The following NLGN4X variants were observed in gnomAD, a reference collection of about 807,000 sequenced individuals.
NLGN4X encodes neuroligin 4 X-linked, also known as neuroligin-4, X-linked.
In NLGN4X, 3 loss-of-function variants were observed where a neutral mutation model predicts 40.3. The observed-to-expected ratio is 0.07, with a 90% CI of 0.03 to 0.19. The LOEUF is 0.19. Among genes scored for constraint, NLGN4X ranks in the 10% least tolerant of loss-of-function variants. The pLI is 1.00. For synonymous variants in NLGN4X, 270 were observed against 306.8 expected (o/e 0.88, Z 1.25); for missense variants, 382 against 708.3 (o/e 0.54, Z 5.23).
intron 3 of NLGN4X, among the ~76,000 whole-genome samples, chrX:5,957,334 C>T (rs952206994): frequency 2.7e-5 from 3 of 111,332 alleles, no homozygotes; most frequent in African/African-American, 9.8e-5. Flanking sequence ...CATCTGAGTT[C>T]CAGAAAAAAC....
chrX:6,165,683 A>T (rs990866821), intron 1 of NLGN4X, among the ~76,000 whole-genome samples: 1 of 111,344 alleles, frequency 9.0e-6, no homozygotes, highest in Non-Finnish European at 1.9e-5. Flanking sequence ...CTCTGGCAAA[A>T]TTCCTACTAC....
intron 3 of NLGN4X, among the ~76,000 whole-genome samples, chrX:5,969,018 T>G (rs2034928567): frequency 9.0e-6 from 1 of 111,412 alleles, no homozygotes; most frequent in South Asian, 3.8e-4. Flanking sequence ...ACACAAAAAT[T>G]AATTCAAAAT....
chrX:6,031,117 T>G (rs1294704329), intron 2 of NLGN4X, among the ~76,000 whole-genome samples: 1 of 112,164 alleles, frequency 8.9e-6, no homozygotes, highest in Non-Finnish European at 1.9e-5. Context: ...CAATATGAAA[T>G]GAAAATTAGA....
At position 6,037,664 on chromosome X, in the gene NLGN4X, G is replaced by A. The variant is rs192775998; in HGVS notation, c.473-8232C>T. Among the ~76,000 whole-genome samples the A allele has an allele frequency of 1.7e-4, 16 of 94,772 alleles. No individual in the cohort carries two copies. In the Admixed American group the frequency reaches 1.9e-3, roughly 11 times the overall value. 82.3% of individuals were successfully genotyped at this position (94,772 alleles called of 115,157 possible). ...ATTCGTTTTCTTTTAAGTGGGCAAGGTTAATTTTCAACTTAGTCTTGTTAA... is the reference window on the plus strand; with the variant it reads ...ATTCGTTTTCTTTTAAGTGGGCAAGATTAATTTTCAACTTAGTCTTGTTAA... On this transcript the variant is annotated intron_variant, in intron 2 of 5. Transcript: ENST00000381095.
Position 5,892,931 on chromosome X carries a change from G to A in NLGN4X, c.2337C>T (p.Ile779=). The change falls in exon 6 of 6, where the codon ATC becomes ATT. Residue 779 remains isoleucine (I), a synonymous_variant. Coordinates refer to ENST00000381095, the MANE Select transcript of NLGN4X (RefSeq NM_181332.3). ...DDIPLMTPNT[I]TMIPNTLTGM... ...CCGTCAGTGTGTTTGGAATCATGGT[G>A]ATGGTGTTTGGCGTCATAAGTGGGA... is the stretch of plus-strand genomic sequence containing the variant. 8.3e-7 allele frequency: 1 copy of A among 1,211,681 alleles called. No individual in the cohort carries two copies. The highest frequency in any genetic ancestry group is 1.1e-6 in the Non-Finnish European group (1 of 895,561).
chrX:6,103,538 T>G (rs971062416), intron 2 of NLGN4X, among the ~76,000 whole-genome samples: 1 of 112,112 alleles, frequency 8.9e-6, no homozygotes, highest in South Asian at 3.7e-4. Context: ...GAGCCAAATA[T>G]TACTACATAA....
chrX:6,044,699 T>C (rs2147270548), intron 2 of NLGN4X, among the ~76,000 whole-genome samples: 1 of 111,331 alleles, frequency 9.0e-6, no homozygotes, highest in African/African-American at 3.3e-5. Flanking sequence ...TCATGGATTG[T>C]AACAAACACA....
intron 1 of NLGN4X, among the ~76,000 whole-genome samples, chrX:6,185,511 T>C (rs1921926716): frequency 9.0e-6 from 1 of 111,728 alleles, no homozygotes. Context: ...AACAATTCCA[T>C]TCCCCATTAA....
intron 3 of NLGN4X, among the ~76,000 whole-genome samples, chrX:5,957,959 A>T (rs2034547994): frequency 8.9e-6 from 1 of 112,254 alleles, no homozygotes; most frequent in African/African-American, 3.2e-5. Context: ...TTTTCTAAAG[A>T]CTTCCTTTTA....
chrX:6,185,100 T>C (rs932800058), intron 1 of NLGN4X, among the ~76,000 whole-genome samples: 1 of 112,535 alleles, frequency 8.9e-6, no homozygotes, highest in Non-Finnish European at 1.9e-5. Context: ...CTACGTGGCC[T>C]GCACTGTGAT....
At chrX:6,044,256 TTAGG>T (rs2037255257) in intron 2 of NLGN4X, among the ~76,000 whole-genome samples, 1 of 111,610 alleles carries the variant, frequency 9.0e-6, no homozygotes, top group Admixed American at 9.5e-5. Flanking sequence ...GCACTCCAGT[TTAGG>T]TGAGTGAGAC....
At chrX:6,175,792 C>A (rs772480754) in intron 1 of NLGN4X, among the ~76,000 whole-genome samples, 20 of 110,105 alleles carry the variant, frequency 1.8e-4, no homozygotes, top group African/African-American at 6.6e-4. Context: ...CAACAGAATT[C>A]CTCACCTCCC....
intron 3 of NLGN4X, among the ~76,000 whole-genome samples, chrX:5,955,479 C>A (rs1255101091): frequency 9.1e-6 from 1 of 110,316 alleles, no homozygotes; most frequent in Non-Finnish European, 1.9e-5. Context: ...TCCACTCTCA[C>A]AGGGAAGAAA....
At chrX:6,043,859 G>A (rs6638593) in intron 2 of NLGN4X, among the ~76,000 whole-genome samples, 41,147 of 110,272 alleles carry the variant, frequency 0.37, 6,602 homozygotes, top group Middle Eastern at 0.63. Context: ...AGAAGCATAA[G>A]GTCACTCAAG....
chrX:5,997,454 A>G (rs932478223), intron 3 of NLGN4X, among the ~76,000 whole-genome samples: 4 of 106,586 alleles, frequency 3.8e-5, no homozygotes, highest in African/African-American at 1.3e-4. Flanking sequence ...AAAAAAAAAC[A>G]ATAGGTAGTA....
At chrX:6,120,216 C>G (rs1170776862) in intron 2 of NLGN4X, among the ~76,000 whole-genome samples, 1 of 111,443 alleles carries the variant, frequency 9.0e-6, no homozygotes, top group Non-Finnish European at 1.9e-5. Flanking sequence ...AGGCAAGAAT[C>G]AAGACCTATA....
chrX:6,117,427 C>A (rs182436058), intron 2 of NLGN4X, among the ~76,000 whole-genome samples: 4 of 110,687 alleles, frequency 3.6e-5, no homozygotes, highest in Admixed American at 9.6e-5. Flanking sequence ...CTCAATCCAT[C>A]TCCTAGTTAA....
intron 3 of NLGN4X, among the ~76,000 whole-genome samples, chrX:6,017,196 T>C: frequency 9.0e-6 from 1 of 111,354 alleles, no homozygotes; most frequent in Non-Finnish European, 1.9e-5. Context: ...ACAAGAAGAT[T>C]AAGAAACATG....
rs761314029 is a variant in NLGN4X, at chrX:6,051,838, C to T, written c.473-22406G>A. On this transcript the variant is annotated intron_variant, in intron 2 of 5. Coordinates refer to ENST00000381095, the MANE Select transcript of NLGN4X (RefSeq NM_181332.3). ...TAATCCCAGGAAGTTGAATTTGAGCCGGACCTATGAGGTTGATAGAAGTCA... is the reference window on the plus strand; with the variant it reads ...TAATCCCAGGAAGTTGAATTTGAGCTGGACCTATGAGGTTGATAGAAGTCA... Among the ~76,000 whole-genome samples the T allele has an allele frequency of 3.6e-5, 4 of 110,975 alleles. 1 individual carries two copies. The South Asian group carries it at 1.6e-3, about 44-fold the overall frequency.
Sources: gnomAD v4.1 joint callset for allele counts (sites outside exome capture counted in the v4.1 genomes callset) on GRCh38, gnomAD v4.1.1 for gene constraint, MANE v1.5 for transcripts, NCBI Gene and HGNC (gene_info 2026-07-23, HGNC 2026-07-21) for gene names.